The following TPCN2 variants were observed in gnomAD, a reference collection of about 807,000 sequenced individuals.
The protein encoded by TPCN2 is two pore segment channel 2, also known as two pore channel protein 2.
TPCN2 carries 92 observed loss-of-function variants against 111.4 expected under a neutral mutation model. The observed-to-expected ratio is 0.83, with a 90% CI of 0.70 to 0.98. TPCN2 has a LOEUF of 0.98. Among genes scored for constraint, TPCN2 ranks in the 50% least tolerant of loss-of-function variants. The probability of loss-of-function intolerance (pLI) is 0.00; values close to 1 mark genes in which losing one functional copy is unlikely to be tolerated. For missense variants in TPCN2, 995 were observed against 980.1 expected, an observed-to-expected ratio of 1.02 and a Z score of -0.20; for synonymous variants, 405 against 414.5, an observed-to-expected ratio of 0.98 and a Z score of 0.28.
intron 20 of TPCN2, 57 bp downstream of exon 20, chr11:69,085,343 G>GGGGGGGC: frequency 5.2e-6 from 3 of 581,844 alleles, no homozygotes; most frequent in African/African-American, 1.9e-5. Flanking sequence ...GGGTGGGCGG[G>GGGGGGGC]AAGCCTTGGC....
At chr11:69,086,670 C>G (rs1314966388) in intron 23 of TPCN2, 66 bp downstream of exon 23, 1 of 1,500,510 alleles carries the variant, frequency 6.7e-7, no homozygotes, top group African/African-American at 1.4e-5. Context: ...CTCGATGGGC[C>G]TGAGGCCACC....
At chr11:69,057,493 G>T in intron 4 of TPCN2, 85 bp from the exon 5 acceptor site, 3 of 1,299,574 alleles carry the variant, frequency 2.3e-6, no homozygotes, top group Non-Finnish European at 3.4e-6. Flanking sequence ...TGGTCGCCTG[G>T]TCCCTGCGCT....
rs200657180 is a variant in TPCN2, at chr11:69,081,479, C to G, written c.1669C>G (p.Arg557Gly). Residue 557 changes from arginine (R) to glycine (G), a missense_variant, in exon 18 of 25, where the codon CGT becomes GGT. Physicochemically the swap from Arg to Gly is moderately radical, Grantham distance 125. Transcript: ENST00000294309. ...CATGCTCATCGTGTTCCGCTTCCTG[C>G]GTATCATCCCCAGCATGAAGGTGTG... The part of the protein sequence containing the change: ...LNMLIVFRFL[R>G]IIPSMKLMAV... The G allele has an allele frequency of 6.4e-7, 1 of 1,570,614 alleles. No individual in the cohort carries two copies. Among genetic ancestry groups the G allele is most frequent in the Middle Eastern group, 1.7e-4 (1 of 6,006 alleles).
chr11:69,061,413 G>A (rs114255604), intron 5 of TPCN2, among the ~76,000 whole-genome samples: 1,925 of 152,318 alleles, frequency 0.013, 43 homozygotes, highest in African/African-American at 0.044. Flanking sequence ...ACAGCTCTGC[G>A]TTTCTAAAAC....
intron 1 of TPCN2, among the ~76,000 whole-genome samples, chr11:69,051,600 C>G (rs1043048534): frequency 2.0e-5 from 3 of 152,204 alleles, no homozygotes; most frequent in Admixed American, 1.3e-4. Flanking sequence ...ATTAGGAAGC[C>G]GTGTCGAGGC....
At chr11:69,071,651 G>C (rs1025253609) in intron 10 of TPCN2, among the ~76,000 whole-genome samples, 3 of 152,222 alleles carry the variant, frequency 2.0e-5, no homozygotes, top group South Asian at 2.1e-4. Flanking sequence ...TTGAGGGGGA[G>C]CTGGGGGCGC....
intron 5 of TPCN2, among the ~76,000 whole-genome samples, chr11:69,058,477 C>T (rs190450347): frequency 9.6e-4 from 146 of 152,010 alleles, no homozygotes; most frequent in African/African-American, 3.4e-3. Flanking sequence ...GTCTGGTGGG[C>T]GCTGGTGCCT....
chr11:69,061,371 G>A (rs967247980), intron 5 of TPCN2, among the ~76,000 whole-genome samples: 9 of 152,210 alleles, frequency 5.9e-5, no homozygotes, highest in African/African-American at 1.9e-4. Context: ...GTGGGCAGTT[G>A]TCGGAGGGTT....
In TPCN2 at chr11:69,087,151, C is replaced by G; in HGVS notation, c.2125C>G (p.Pro709Ala). ...HKWDPRSHLQ[P>A]LAGTPEATYQ... ...GTGGGACCCCCGCAGCCACCTGCAG[C>G]CCCTTGCTGGGACCCCAGAGGCCAC... The change falls in exon 24 of 25, where the codon CCC becomes GCC. Residue 709 changes from proline (P) to alanine (A), a missense_variant. Pro to Ala is a conservative substitution (Grantham distance 27). Transcript: ENST00000294309. 1.9e-6 allele frequency: 3 copies of G among 1,613,916 alleles called. No individual in the cohort carries two copies. The highest frequency in any genetic ancestry group is 2.5e-6 in the Non-Finnish European group (3 of 1,179,886).
chr11:69,056,468 G>A (rs1195171577), intron 4 of TPCN2, among the ~76,000 whole-genome samples: 1 of 152,234 alleles, frequency 6.6e-6, no homozygotes, highest in African/African-American at 2.4e-5. Flanking sequence ...GTGTGTTTGA[G>A]AAGTGTCAAA....
Position 69,072,966 on chromosome 11 carries a change from C to G in TPCN2, c.1195C>G (p.Leu399Val). 1 of 1,614,008 alleles carries G rather than the reference C, an allele frequency of 6.2e-7. No homozygotes were observed. Among genetic ancestry groups the G allele is most frequent in the Middle Eastern group, 1.6e-4 (1 of 6,062 alleles). Residue 399 changes from leucine (L) to valine (V), a missense_variant, in exon 13 of 25, where the codon CTC becomes GTC. Physicochemically the swap from Leu to Val is conservative, Grantham distance 32. Transcript: ENST00000294309. Reference sequence around the variant, plus strand: ...GCTCTCAGCTGAGGAGTTTCAGAAGCTCTTCAACGAGCTTGACAGAAGTGT... The same window carrying G: ...GCTCTCAGCTGAGGAGTTTCAGAAGGTCTTCAACGAGCTTGACAGAAGTGT... Reference protein sequence around the residue: ...VLLSAEEFQKLFNELDRSVVK... With the variant: ...VLLSAEEFQKVFNELDRSVVK...
chr11:69,079,070 G>A (rs767310786), intron 16 of TPCN2, 50 bp downstream of exon 16: 3 of 1,564,812 alleles, frequency 1.9e-6, no homozygotes, highest in South Asian at 1.2e-5. Flanking sequence ...GTGGGTGAGC[G>A]CCACCTGGGC....
intron 24 of TPCN2, 72 bp from the exon 25 acceptor site, chr11:69,087,803 C>G: frequency 1.5e-6 from 2 of 1,292,074 alleles, no homozygotes; most frequent in Non-Finnish European, 2.2e-6. Context: ...GCTCTGCTCC[C>G]TTGTTCTTGT....
chr11:69,071,884 G>T (rs1333789550), intron 10 of TPCN2, 39 bp from the exon 11 acceptor site: 1 of 1,587,266 alleles, frequency 6.3e-7, no homozygotes, highest in Non-Finnish European at 8.6e-7. Context: ...TGAGCTGGGG[G>T]AGGGCTGATC....
chr11:69,081,455 A>G lies in TPCN2; in HGVS notation c.1645A>G (p.Met549Val). 6.3e-7 allele frequency: 1 copy of G among 1,575,912 alleles called. No individual in the cohort carries two copies. The highest frequency in any genetic ancestry group is 1.2e-5 in the South Asian group (1 of 86,220). The part of the protein sequence containing the change: ...SLWDMTRMLN[M>V]LIVFRFLRII... ...GTGGGACATGACCCGCATGCTGAAC[A>G]TGCTCATCGTGTTCCGCTTCCTGCG... The change falls in exon 18 of 25, where the codon ATG (methionine) becomes GTG (valine). Residue 549 changes from methionine (M) to valine (V), a missense_variant. Transcript: ENST00000294309.
chr11:69,087,964 G>A lies in TPCN2; in HGVS notation c.*11G>A. ...TGGCTGTGCAGGTGACGTCCGGGCTGCCGTCCCAGCAGGGGCGGCAGGAGA... is the reference window on the plus strand; with the variant it reads ...TGGCTGTGCAGGTGACGTCCGGGCTACCGTCCCAGCAGGGGCGGCAGGAGA... On this transcript the variant is annotated 3_prime_UTR_variant, in exon 25 of 25. Transcript: ENST00000294309. 1 of 1,602,562 alleles carries A rather than the reference G, an allele frequency of 6.2e-7. No individual in the cohort carries two copies. The highest frequency in any genetic ancestry group is 8.5e-7 in the Non-Finnish European group (1 of 1,176,306).
chr11:69,054,045 G>A lies in TPCN2; in HGVS notation c.122G>A (p.Arg41Lys). The change falls in exon 2 of 25, where the codon AGG (arginine) becomes AAG (lysine). Residue 41 changes from arginine (R) to lysine (K), a missense_variant. Coordinates refer to ENST00000294309, the MANE Select transcript of TPCN2 (RefSeq NM_139075.4). ...SIQVGPGAAARWDLCIDQAVV... is the reference protein window; with the variant it reads ...SIQVGPGAAAKWDLCIDQAVV... ...CCTCTGCCTGCAGGTGCCGCGGCCA[G>A]GTGGGACCTCTGCATTGATCAGGCT... is the stretch of plus-strand genomic sequence containing the variant. 6.2e-7 allele frequency: 1 copy of A among 1,613,904 alleles called. No individual in the cohort carries two copies. Among genetic ancestry groups the A allele is most frequent in the Non-Finnish European group, 8.5e-7 (1 of 1,179,968 alleles).
intron 7 of TPCN2, among the ~76,000 whole-genome samples, chr11:69,065,852 G>A (rs1490681628): frequency 6.6e-6 from 1 of 152,178 alleles, no homozygotes; most frequent in East Asian, 1.9e-4. Flanking sequence ...GCTGGCTCGG[G>A]TCCATCGTCG....
At chr11:69,076,623 C>T (rs1855766489) in intron 13 of TPCN2, among the ~76,000 whole-genome samples, 2 of 138,546 alleles carry the variant, frequency 1.4e-5, no homozygotes, top group African/African-American at 5.4e-5. Context: ...ACCTGCCCTC[C>T]TGCGGTGTCC....
Sources: gnomAD v4.1 joint callset for allele counts (sites outside exome capture counted in the v4.1 genomes callset) on GRCh38, gnomAD v4.1.1 for gene constraint, MANE v1.5 for transcripts, NCBI Gene and HGNC (gene_info 2026-07-23, HGNC 2026-07-21) for gene names.